The following LEMD3 variants were observed in gnomAD, a reference collection of about 807,000 sequenced individuals.
LEMD3 encodes the protein LEM domain containing 3.
Under a neutral mutation model 95.2 loss-of-function variants are expected in LEMD3, and 33 were observed. The ratio of observed to expected loss-of-function variants is 0.35; its 90% CI spans 0.26 to 0.46. The LOEUF (loss-of-function observed/expected upper bound fraction) is 0.46. Ranked by LOEUF, LEMD3 falls within the 20% of genes least tolerant of loss-of-function variation. The probability of loss-of-function intolerance (pLI) is 1.00; values close to 1 mark genes in which losing one functional copy is unlikely to be tolerated. For synonymous variants in LEMD3, 525 were observed against 474.6 expected (o/e 1.11, Z -1.38); for missense variants, 1,210 against 1,192.8 (o/e 1.01, Z -0.21).
chr12:65,194,410 C>G (rs1211588901), intron 1 of LEMD3, among the ~76,000 whole-genome samples: 1 of 151,998 alleles, frequency 6.6e-6, no homozygotes, highest in Non-Finnish European at 1.5e-5. Flanking sequence ...TAGGGTTTTT[C>G]AAGGATAGTT....
At chr12:65,234,307 A>C (rs1402804798) in intron 4 of LEMD3, among the ~76,000 whole-genome samples, 1 of 152,226 alleles carries the variant, frequency 6.6e-6, no homozygotes, top group Non-Finnish European at 1.5e-5. Context: ...CAAAAGAAAA[A>C]GCTGACCAAC....
intron 1 of LEMD3, among the ~76,000 whole-genome samples, chr12:65,185,777 T>C (rs1458025908): frequency 1.3e-4 from 19 of 151,868 alleles, no homozygotes; most frequent in Non-Finnish European, 2.6e-4. Context: ...TACCAGCTGG[T>C]AACCCCTTAA....
intron 1 of LEMD3, among the ~76,000 whole-genome samples, chr12:65,200,940 T>C (rs1869582379): frequency 1.3e-5 from 2 of 152,186 alleles, no homozygotes; most frequent in Non-Finnish European, 2.9e-5. Context: ...GTGTTTGATA[T>C]GTAGGTGTGT....
At chr12:65,171,208 T>TA in intron 1 of LEMD3, 90 bp downstream of exon 1, 1 of 1,585,066 alleles carries the variant, frequency 6.3e-7, no homozygotes, top group Non-Finnish European at 8.5e-7. Flanking sequence ...TGAAGTGACT[T>TA]ACCTGCAAGA....
chr12:65,243,513 A>G, intron 10 of LEMD3, 44 bp downstream of exon 10: 1 of 1,134,632 alleles, frequency 8.8e-7, no homozygotes, highest in Non-Finnish European at 1.3e-6. Context: ...TATTCTGAAT[A>G]TTTGGCTGGA....
At chr12:65,175,838 A>G (rs1047748679) in intron 1 of LEMD3, among the ~76,000 whole-genome samples, 1 of 151,898 alleles carries the variant, frequency 6.6e-6, no homozygotes, top group Non-Finnish European at 1.5e-5. Context: ...ACCATCTGAC[A>G]TTTTCTTTAT....
intron 1 of LEMD3, among the ~76,000 whole-genome samples, chr12:65,195,741 A>G (rs74101722): frequency 0.1 from 15,282 of 152,180 alleles, 995 homozygotes; most frequent in East Asian, 0.28. Context: ...AGCTAGTTAT[A>G]TAGGTTTAAG....
At chr12:65,209,187 T>C (rs141721198) in intron 1 of LEMD3, among the ~76,000 whole-genome samples, 1 of 152,242 alleles carries the variant, frequency 6.6e-6, no homozygotes, top group Admixed American at 6.5e-5. Context: ...AAGCCCACAG[T>C]AGAGCAGTGT....
In LEMD3 at chr12:65,245,947, A is replaced by T. The variant is rs1871092951; in HGVS notation, c.2572+8A>T. On this transcript the variant is annotated splice_region_variant and intron_variant, in intron 12 of 12. Transcript: ENST00000308330. ...ATGGCTCTTGGTTTGATGGTAAGAA[A>T]TTTGAGTACTACAAACATTTTGAAA... 2 of 1,587,236 alleles carry T rather than the reference A, an allele frequency of 1.3e-6. No individual in the cohort carries two copies. Among genetic ancestry groups the T allele is most frequent in the East Asian group, 4.5e-5 (2 of 44,702 alleles).
At chr12:65,180,989 A>AACACACACAC (rs71096029) in intron 1 of LEMD3, among the ~76,000 whole-genome samples, 4 of 149,178 alleles carry the variant, frequency 2.7e-5, no homozygotes, top group African/African-American at 5.0e-5. Flanking sequence ...TATGTACACA[A>AACACACACAC]ACACACACAC....
chr12:65,241,000 G>A lies in LEMD3; in HGVS notation c.2218G>A (p.Ala740Thr), dbSNP rs1870919637. Residue 740 changes from alanine to threonine, a missense_variant, in exon 9 of 13, where the codon GCA (alanine) becomes ACA (threonine). Coordinates refer to ENST00000308330, the MANE Select transcript of LEMD3 (RefSeq NM_014319.5). ...VRTETRRIGG[A>T]DFLVWRWIQP... is the part of the protein sequence containing the mutation. ...CACGGAAACACGAAGAATAGGTGGT[G>A]CAGATTTTCTGGTTTGGCGGTGGAT... The A allele has an allele frequency of 6.2e-7, 1 of 1,614,100 alleles. No homozygotes were observed.
chr12:65,240,865 C>A, intron 8 of LEMD3, 44 bp from the exon 9 acceptor site: 1 of 1,548,136 alleles, frequency 6.5e-7, no homozygotes, highest in Non-Finnish European at 8.9e-7. Flanking sequence ...AAAAAGATGA[C>A]AAGCCAAGAT....
At chr12:65,243,813 A>G (rs1871006067) in intron 10 of LEMD3, among the ~76,000 whole-genome samples, 1 of 152,216 alleles carries the variant, frequency 6.6e-6, no homozygotes, top group East Asian at 1.9e-4. Context: ...TTTTTGCCTC[A>G]GTAGAAAATA....
In LEMD3 at chr12:65,247,087, T is replaced by A. The variant is rs965101231; in HGVS notation, c.*762T>A. 1 of 152,566 alleles carries A rather than the reference T, an allele frequency of 6.6e-6. No homozygotes were observed. Among genetic ancestry groups the A allele is most frequent in the Non-Finnish European group, 1.5e-5 (1 of 67,994 alleles). The allele number at this position is 152,566 out of a possible 1,614,324, so 9.5% of individuals were successfully genotyped here. ...AGAGATATATACATATGGCTGTACTTTTGCATAGATCAAACAGCCAAACAC... is the reference window on the plus strand; with the variant it reads ...AGAGATATATACATATGGCTGTACTATTGCATAGATCAAACAGCCAAACAC... On this transcript the variant is annotated 3_prime_UTR_variant, in exon 13 of 13. Transcript: ENST00000308330.
chr12:65,203,755 T>G (rs1869676488), intron 1 of LEMD3, among the ~76,000 whole-genome samples: 1 of 152,334 alleles, frequency 6.6e-6, no homozygotes, highest in Middle Eastern at 3.4e-3. Flanking sequence ...ATTAGTGGAT[T>G]CTTCCTTTTT....
At chr12:65,201,208 A>T (rs561650932) in intron 1 of LEMD3, among the ~76,000 whole-genome samples, 1 of 152,162 alleles carries the variant, frequency 6.6e-6, no homozygotes, top group Admixed American at 6.6e-5. Context: ...GTAACTTTAG[A>T]TAAGTCTTGA....
chr12:65,240,303 AATTAT>A, intron 8 of LEMD3, 65 bp downstream of exon 8: 1 of 1,182,780 alleles, frequency 8.5e-7, no homozygotes, highest in African/African-American at 1.5e-5. Context: ...CAGTATTGAA[AATTAT>A]ATTGAGAGCT....
Position 65,247,418 on chromosome 12 carries a change from G to A in LEMD3, c.*1093G>A, listed in dbSNP as rs545328879. ...GCAGGGCACATTGTTGCAGCAAAAT[G>A]TGTATTTGACAAATTATACTTGCAA... On this transcript the variant is annotated 3_prime_UTR_variant, in exon 13 of 13. Transcript: ENST00000308330. 1 of 152,620 alleles carries A rather than the reference G, an allele frequency of 6.6e-6. No homozygotes were observed. The highest frequency in any genetic ancestry group is 1.9e-4 in the East Asian group (1 of 5,182). The allele number at this position is 152,620 out of a possible 1,614,324, so 9.5% of individuals were successfully genotyped here.
At chr12:65,184,901 T>G (rs1212871976) in intron 1 of LEMD3, among the ~76,000 whole-genome samples, 1 of 152,088 alleles carries the variant, frequency 6.6e-6, no homozygotes, top group Non-Finnish European at 1.5e-5. Flanking sequence ...GACATACTGT[T>G]TTCCTTTTTC....
Sources: gnomAD v4.1 joint callset for allele counts (sites outside exome capture counted in the v4.1 genomes callset) on GRCh38, gnomAD v4.1.1 for gene constraint, MANE v1.5 for transcripts, NCBI Gene and HGNC (gene_info 2026-07-23, HGNC 2026-07-21) for gene names.